The following CADPS variants were observed in gnomAD, a reference collection of about 807,000 sequenced individuals.
CADPS encodes calcium dependent secretion activator.
Under a neutral mutation model 167.3 loss-of-function variants are expected in CADPS, and 57 were observed. That is an observed-to-expected ratio of 0.34 (90% CI 0.28 to 0.42). The LOEUF (loss-of-function observed/expected upper bound fraction) is 0.42. Ranked by LOEUF, CADPS falls within the 20% of genes least tolerant of loss-of-function variation. The pLI is 1.00. For synonymous variants in CADPS, 676 were observed against 635.3 expected (o/e 1.06, Z -0.96); for missense variants, 1,414 against 1,738.1 (o/e 0.81, Z 3.32).
chr3:62,752,670 A>G lies in CADPS; in HGVS notation c.888+771T>C, dbSNP rs74516967. ...ACCAGGAAGGAAGGTCCTTGTTTAA[A>G]ATGCAGATTCCTGGGCCATGCTCTG... is the stretch of plus-strand genomic sequence containing the variant. On this transcript the variant is annotated intron_variant, in intron 3 of 29. Transcript: ENST00000383710. 2.6e-4 allele frequency among the ~76,000 whole-genome samples: 39 copies of G among 152,350 alleles called. No individual in the cohort carries two copies. In the East Asian group the frequency reaches 6.9e-3, roughly 27 times the overall value.
chr3:62,847,261 CTTTTTT>C (rs202175985), intron 1 of CADPS, among the ~76,000 whole-genome samples: 61 of 132,992 alleles, frequency 4.6e-4, no homozygotes, highest in Admixed American at 7.4e-4. Context: ...GCAGCATTTT[CTTTTTT>C]TTTTTTTTTT....
intron 3 of CADPS, among the ~76,000 whole-genome samples, chr3:62,702,670 A>G (rs1406867943): frequency 6.6e-6 from 1 of 152,126 alleles, no homozygotes; most frequent in Non-Finnish European, 1.5e-5. Flanking sequence ...ACTTTCTGCA[A>G]TGGTAGACAT....
At chr3:62,791,496 C>T (rs1484801000) in intron 1 of CADPS, among the ~76,000 whole-genome samples, 1 of 152,118 alleles carries the variant, frequency 6.6e-6, no homozygotes, top group Non-Finnish European at 1.5e-5. Context: ...CCTATTGTAA[C>T]CTACTGAATC....
rs142494817 is a variant in CADPS at position 62,550,084 on chromosome 3, A to T, written c.1785T>A (p.Ala595=). The T allele has an allele frequency of 4.0e-5, 64 of 1,613,894 alleles. No homozygotes were observed. The highest frequency in any genetic ancestry group is 5.3e-5 in the Non-Finnish European group (62 of 1,179,964). Residue 595 remains alanine (A), a synonymous_variant, in exon 11 of 30, where the codon GCT becomes GCA. Coordinates refer to ENST00000383710, the MANE Select transcript of CADPS (RefSeq NM_003716.4). ...GLEGGRAFFN[A]VKEGDTVIFA... is the part of the protein sequence containing the mutation. ...ATATCACGGTGTCTCCCTCCTTGACAGCATTGAAGAAGGCTCGGCCACCCT... is the reference window on the plus strand; with the variant it reads ...ATATCACGGTGTCTCCCTCCTTGACTGCATTGAAGAAGGCTCGGCCACCCT...
chr3:62,640,030 C>G (rs1013548013), intron 6 of CADPS, among the ~76,000 whole-genome samples: 1 of 152,118 alleles, frequency 6.6e-6, no homozygotes, highest in African/African-American at 2.4e-5. Flanking sequence ...TGCCTATGTC[C>G]CTTACTTGAA....
At chr3:62,629,859 G>C (rs1459039992) in intron 6 of CADPS, among the ~76,000 whole-genome samples, 2 of 150,216 alleles carry the variant, frequency 1.3e-5, no homozygotes, top group Non-Finnish European at 3.0e-5. Context: ...TTCCTTGACT[G>C]TTCTTCCACT....
intron 1 of CADPS, among the ~76,000 whole-genome samples, chr3:62,789,088 G>C (rs2092712776): frequency 6.6e-6 from 1 of 152,152 alleles, no homozygotes; most frequent in Admixed American, 6.6e-5. Flanking sequence ...GATTGTGGTG[G>C]TTCAAAGCAC....
chr3:62,838,477 T>C (rs2076209230), intron 1 of CADPS, among the ~76,000 whole-genome samples: 1 of 152,164 alleles, frequency 6.6e-6, no homozygotes, highest in Non-Finnish European at 1.5e-5. Flanking sequence ...ACACAGTTTT[T>C]AGGGAATCTG....
intron 1 of CADPS, among the ~76,000 whole-genome samples, chr3:62,871,021 T>C (rs2082543706): frequency 6.6e-6 from 1 of 152,166 alleles, no homozygotes; most frequent in Non-Finnish European, 1.5e-5. Flanking sequence ...TTTGTTTTGG[T>C]CATAAATTAT....
chr3:62,644,442 G>A (rs2068086185), intron 6 of CADPS, among the ~76,000 whole-genome samples: 1 of 152,200 alleles, frequency 6.6e-6, no homozygotes, highest in Non-Finnish European at 1.5e-5. Flanking sequence ...TGCTCCTGTG[G>A]ACCGCTGAAA....
At chr3:62,821,495 T>C (rs1173964236) in intron 1 of CADPS, among the ~76,000 whole-genome samples, 1 of 152,184 alleles carries the variant, frequency 6.6e-6, no homozygotes, top group East Asian at 1.9e-4. Flanking sequence ...GCTCCAAGAA[T>C]TTCTTGGCTT....
chr3:62,857,031 G>A (rs1036363479), intron 1 of CADPS, among the ~76,000 whole-genome samples: 8 of 151,756 alleles, frequency 5.3e-5, no homozygotes, highest in Non-Finnish European at 8.8e-5. Context: ...TAAATATGTC[G>A]AACAACATAA....
intron 1 of CADPS, among the ~76,000 whole-genome samples, chr3:62,843,118 T>C (rs1381531356): frequency 6.6e-6 from 1 of 152,188 alleles, no homozygotes; most frequent in East Asian, 1.9e-4. Flanking sequence ...ATTTTTTTCC[T>C]GACCTGTGAA....
chr3:62,793,970 AT>A (rs1427568147), intron 1 of CADPS, among the ~76,000 whole-genome samples: 38 of 152,142 alleles, frequency 2.5e-4, no homozygotes, highest in African/African-American at 8.9e-4. Flanking sequence ...AAAACTAAAG[AT>A]CCTTGGGCTT....
intron 3 of CADPS, among the ~76,000 whole-genome samples, chr3:62,750,353 C>CA (rs56069272): frequency 0.17 from 7,662 of 44,616 alleles, 1,106 homozygotes; most frequent in Middle Eastern, 0.22. Context: ...TCTTAAGCTC[C>CA]AAAAAAAAAA....
chr3:62,471,761 G>C (rs971518731), intron 24 of CADPS, among the ~76,000 whole-genome samples: 1 of 152,052 alleles, frequency 6.6e-6, no homozygotes, highest in East Asian at 1.9e-4. Flanking sequence ...AGATTTAAGG[G>C]GAAATAGGTC....
At chr3:62,404,678 ACAG>A (rs1707737832) in intron 28 of CADPS, 1 of 152,060 alleles carries the variant, frequency 6.6e-6, no homozygotes, top group Non-Finnish European at 1.5e-5. Flanking sequence ...CTGCAGCCTC[ACAG>A]CCAGCTTCTG....
intron 8 of CADPS, among the ~76,000 whole-genome samples, chr3:62,582,267 A>G (rs1004327621): frequency 3.9e-5 from 6 of 152,182 alleles, no homozygotes; most frequent in Admixed American, 2.0e-4. Flanking sequence ...CCAACCTGGC[A>G]AAACCTCATC....
chr3:62,448,914 G>A (rs971521664), intron 26 of CADPS, among the ~76,000 whole-genome samples: 8 of 152,020 alleles, frequency 5.3e-5, no homozygotes, highest in African/African-American at 1.2e-4. Flanking sequence ...ATGCCCGGCC[G>A]CTGGATATTG....
Sources: gnomAD v4.1 joint callset for allele counts (sites outside exome capture counted in the v4.1 genomes callset) on GRCh38, gnomAD v4.1.1 for gene constraint, MANE v1.5 for transcripts, NCBI Gene and HGNC (gene_info 2026-07-23, HGNC 2026-07-21) for gene names.